The following SPOPL variants were observed in gnomAD, a reference collection of about 807,000 sequenced individuals.
SPOPL encodes the protein speckle type BTB/POZ protein like.
SPOPL carries 23 observed loss-of-function variants against 53.8 expected under a neutral mutation model. The observed-to-expected ratio is 0.43, with a 90% confidence interval of 0.31 to 0.61. SPOPL has a LOEUF of 0.61. Among genes scored for constraint, SPOPL ranks in the 20% least tolerant of loss-of-function variants. The pLI is 0.12. For missense variants in SPOPL, 442 were observed against 466.9 expected (o/e 0.95, Z 0.49); for synonymous variants, 164 against 149.7 (o/e 1.10, Z -0.70).
chr2:138,508,652 T>A (rs1416706673), intron 1 of SPOPL, among the ~76,000 whole-genome samples: 1 of 152,164 alleles, frequency 6.6e-6, no homozygotes. Flanking sequence ...AAAAACACAG[T>A]AAATGAAAAG....
chr2:138,559,378 G>A (rs367751546), intron 7 of SPOPL, 41 bp downstream of exon 7: 29 of 1,553,858 alleles, frequency 1.9e-5, no homozygotes, highest in African/African-American at 8.3e-5. Flanking sequence ...TTATATAAAC[G>A]TAAAGTAGTT....
chr2:138,551,733 A>T (rs929626283), intron 4 of SPOPL, among the ~76,000 whole-genome samples: 1 of 151,988 alleles, frequency 6.6e-6, no homozygotes, highest in Non-Finnish European at 1.5e-5. Context: ...AATAATATAT[A>T]TTTTCACATT....
intron 1 of SPOPL, among the ~76,000 whole-genome samples, chr2:138,520,161 CA>C (rs1390923001): frequency 1.3e-5 from 2 of 152,124 alleles, no homozygotes; most frequent in East Asian, 1.9e-4. Flanking sequence ...TTTGTTATAT[CA>C]AAAATGTATA....
chr2:138,534,344 C>T (rs1207735883), intron 1 of SPOPL, among the ~76,000 whole-genome samples: 2 of 152,138 alleles, frequency 1.3e-5, no homozygotes, highest in African/African-American at 4.8e-5. Flanking sequence ...CAACTATTTA[C>T]ATAGCATTTA....
chr2:138,571,855 C>A lies in SPOPL; in HGVS notation c.*2775C>A, dbSNP rs1178396704. ...TAGAAATACTATATTTGTGCCTTTT[C>A]ATTTTTAATTTTAATGTGTGTTGAT... On this transcript the variant is annotated 3_prime_UTR_variant, in exon 11 of 11. Coordinates refer to ENST00000280098, the MANE Select transcript of SPOPL (RefSeq NM_001001664.3). 6.6e-6 allele frequency: 1 copy of A among 152,556 alleles called. No homozygotes were observed. Among genetic ancestry groups the A allele is most frequent in the African/African-American group, 2.4e-5 (1 of 41,424 alleles). The allele number at this position is 152,556 out of a possible 1,614,324, so 9.5% of individuals were successfully genotyped here.
chr2:138,550,212 TG>T lies in SPOPL; in HGVS notation c.-3del. The T allele has an allele frequency of 6.2e-7, 1 of 1,613,144 alleles. No individual in the cohort carries two copies. Among genetic ancestry groups the T allele is most frequent in the Non-Finnish European group, 8.5e-7 (1 of 1,179,368 alleles). On this transcript the variant is annotated 5_prime_UTR_variant, in exon 2 of 11. Coordinates refer to ENST00000280098, the MANE Select transcript of SPOPL (RefSeq NM_001001664.3). ...TAAATCCTGAAAGACTACAATAAAGTGGTGATGTCTCGGGAACCCACCCCAC... is the reference window on the plus strand; with the variant it reads ...TAAATCCTGAAAGACTACAATAAAGTGTGATGTCTCGGGAACCCACCCCAC...
In SPOPL at chr2:138,569,085, T is replaced by A. The variant is rs1342508060; in HGVS notation, c.*5T>A. ...AAACGGCTAAAACAGTCCTGAAATCTTCCATGAACAGTTGAAAAATGGAAT... is the reference window on the plus strand; with the variant it reads ...AAACGGCTAAAACAGTCCTGAAATCATCCATGAACAGTTGAAAAATGGAAT... On this transcript the variant is annotated 3_prime_UTR_variant, in exon 11 of 11. Transcript: ENST00000280098. 1 of 1,609,688 alleles carries A rather than the reference T, an allele frequency of 6.2e-7. No homozygotes were observed. Among genetic ancestry groups the A allele is most frequent in the South Asian group, 1.1e-5 (1 of 90,250 alleles).
chr2:138,523,498 T>A (rs1684602147), intron 1 of SPOPL, among the ~76,000 whole-genome samples: 1 of 152,102 alleles, frequency 6.6e-6, no homozygotes, highest in Non-Finnish European at 1.5e-5. Flanking sequence ...TTTGAGTAGT[T>A]AACCCCCAAA....
chr2:138,564,620 A>T, intron 8 of SPOPL, 88 bp from the exon 9 acceptor site: 1 of 1,392,818 alleles, frequency 7.2e-7, no homozygotes, highest in Non-Finnish European at 9.8e-7. Context: ...AATCTATTTT[A>T]CCCTTATTTT....
At chr2:138,511,842 G>A (rs1361550230) in intron 1 of SPOPL, among the ~76,000 whole-genome samples, 5 of 152,160 alleles carry the variant, frequency 3.3e-5, no homozygotes, top group African/African-American at 1.2e-4. Flanking sequence ...AGGCATCAGA[G>A]CATAGAGACT....
chr2:138,527,122 T>C (rs554301797), intron 1 of SPOPL, among the ~76,000 whole-genome samples: 15 of 152,338 alleles, frequency 9.8e-5, no homozygotes, highest in African/African-American at 3.6e-4. Flanking sequence ...TGTTCCTTTG[T>C]AGATAACATA....
rs574765423 is a variant in SPOPL, at chr2:138,555,293, G to T, written c.480+2612G>T. ...TCACCTGTCAACATTGTTGCATTGG[G>T]TATTAAATTTCCAACATATGATCTT... is the stretch of plus-strand genomic sequence containing the variant. On this transcript the variant is annotated intron_variant, in intron 5 of 10. Coordinates refer to ENST00000280098, the MANE Select transcript of SPOPL (RefSeq NM_001001664.3). Among the ~76,000 whole-genome samples the T allele has an allele frequency of 4.6e-5, 7 of 152,172 alleles. No homozygotes were observed. In the South Asian group the frequency reaches 1.5e-3, roughly 32 times the overall value.
intron 1 of SPOPL, among the ~76,000 whole-genome samples, chr2:138,545,241 C>G (rs1313224847): frequency 6.6e-6 from 1 of 151,968 alleles, no homozygotes; most frequent in South Asian, 2.1e-4. Flanking sequence ...GTACCAGCAC[C>G]GTATACCAGG....
rs1685339376 is a variant in SPOPL, at chr2:138,552,690, A to T, written c.480+9A>T. 1 of 1,608,212 alleles carries T rather than the reference A, an allele frequency of 6.2e-7. No homozygotes were observed. The highest frequency in any genetic ancestry group is 8.5e-7 in the Non-Finnish European group (1 of 1,177,836). On this transcript the variant is annotated intron_variant, in intron 5 of 10. Coordinates refer to ENST00000280098, the MANE Select transcript of SPOPL (RefSeq NM_001001664.3). ...TTACATTATTTTGTGAGGTGGGTACATCTTTTATTCTAAGAACCCCATGGT... is the reference window on the plus strand; with the variant it reads ...TTACATTATTTTGTGAGGTGGGTACTTCTTTTATTCTAAGAACCCCATGGT...
At chr2:138,556,953 G>A (rs186059835) in intron 5 of SPOPL, among the ~76,000 whole-genome samples, 345 of 152,106 alleles carry the variant, frequency 2.3e-3, no homozygotes, top group African/African-American at 7.4e-3. Context: ...TCAAGAGATC[G>A]AGACCATCCT....
intron 1 of SPOPL, among the ~76,000 whole-genome samples, chr2:138,520,243 A>G (rs1684527909): frequency 6.6e-6 from 1 of 152,240 alleles, no homozygotes; most frequent in African/African-American, 2.4e-5. Flanking sequence ...TCTGTCTTTT[A>G]AGAGCTTTAA....
intron 1 of SPOPL, among the ~76,000 whole-genome samples, chr2:138,528,388 T>A (rs150446737): frequency 1.3e-5 from 2 of 152,266 alleles, no homozygotes; most frequent in African/African-American, 4.8e-5. Context: ...TCTACCTTTA[T>A]ATCTCTGCTA....
intron 1 of SPOPL, among the ~76,000 whole-genome samples, chr2:138,541,827 T>A (rs1415690658): frequency 2.6e-5 from 4 of 152,206 alleles, no homozygotes; most frequent in Non-Finnish European, 5.9e-5. Flanking sequence ...AATTGTGATA[T>A]TAGTGTGTCA....
chr2:138,552,794 T>G (rs1322160552), intron 5 of SPOPL, 113 bp downstream of exon 5: 26 of 1,255,194 alleles, frequency 2.1e-5, no homozygotes, highest in Non-Finnish European at 2.6e-5. Context: ...TGATTGAGTT[T>G]CATTTGTAAA....
Sources: allele counts gnomAD v4.1 joint callset (sites outside exome capture counted in the v4.1 genomes callset), GRCh38; gene constraint gnomAD v4.1.1; transcripts MANE v1.5; gene names NCBI Gene and HGNC (gene_info 2026-07-23, HGNC 2026-07-21).